IGF2BP2: variants seen among roughly 807,000 people sequenced by gnomAD.
IGF2BP2 encodes insulin-like growth factor 2 mRNA-binding protein 2.
Under a neutral mutation model 75.8 loss-of-function variants are expected in IGF2BP2, and 17 were observed. The ratio of observed to expected loss-of-function variants is 0.22; its 90% CI spans 0.15 to 0.34. The LOEUF (loss-of-function observed/expected upper bound fraction) is 0.34, where lower values mean the gene tolerates loss of function less well. Among genes scored for constraint, IGF2BP2 ranks in the 10% least tolerant of loss-of-function variants. The probability of loss-of-function intolerance (pLI) is 1.00; values close to 1 mark genes in which losing one functional copy is unlikely to be tolerated. For synonymous variants in IGF2BP2, 288 were observed against 295.6 expected (o/e 0.97, Z 0.26); for missense variants, 516 against 772.4 (o/e 0.67, Z 3.93).
Position 185,675,341 on chromosome 3 carries a change from C to G in IGF2BP2, c.1026G>C (p.Met342Ile). The G allele has an allele frequency of 1.2e-6, 2 of 1,612,182 alleles. No individual in the cohort carries two copies. The highest frequency in any genetic ancestry group is 1.7e-6 in the Non-Finnish European group (2 of 1,179,730). ...TTTCAAAGGCCTCACGCAGCTTCTTCATAATCTCTATCTCAGCACTGGCAC... is the reference window on the plus strand; with the variant it reads ...TTTCAAAGGCCTCACGCAGCTTCTTGATAATCTCTATCTCAGCACTGGCAC... ...EACASAEIEIMKKLREAFEND... is the reference protein window; with the variant it reads ...EACASAEIEIIKKLREAFEND... The change falls in exon 9 of 16, where the codon ATG becomes ATC. Residue 342 changes from methionine (M) to isoleucine (I), a missense_variant. Physicochemically the swap from Met to Ile is conservative, Grantham distance 10 (BLOSUM62 1). Coordinates refer to ENST00000382199, the MANE Select transcript of IGF2BP2 (RefSeq NM_006548.6).
chr3:185,711,252 G>A (rs112658745), intron 2 of IGF2BP2, among the ~76,000 whole-genome samples: 117 of 152,318 alleles, frequency 7.7e-4, no homozygotes, highest in Middle Eastern at 3.4e-3. Flanking sequence ...TTCCAGTGGT[G>A]CTGATAGAAA....
intron 2 of IGF2BP2, among the ~76,000 whole-genome samples, chr3:185,794,299 T>G (rs965601527): frequency 1.4e-5 from 1 of 72,024 alleles, no homozygotes; most frequent in African/African-American, 7.6e-5. Context: ...GCTGCCCTCA[T>G]ATCACAGGTG....
chr3:185,681,417 T>C (rs1296160017), intron 7 of IGF2BP2, among the ~76,000 whole-genome samples: 1 of 151,896 alleles, frequency 6.6e-6, no homozygotes, highest in Non-Finnish European at 1.5e-5. Flanking sequence ...CCACAAAAGG[T>C]TCCTGAAAGA....
chr3:185,732,184 G>A (rs1214278814), intron 2 of IGF2BP2, among the ~76,000 whole-genome samples: 3 of 152,162 alleles, frequency 2.0e-5, no homozygotes, highest in African/African-American at 7.2e-5. Flanking sequence ...TGGCTCTGAT[G>A]TTTGTTTATG....
At chr3:185,823,324 A>T (rs1741607479) in intron 1 of IGF2BP2, 111 bp from the exon 2 acceptor site, 1 of 729,808 alleles carries the variant, frequency 1.4e-6, no homozygotes, top group Non-Finnish European at 2.2e-6. Context: ...GGGCGCCCCC[A>T]AGGGGTCTCC....
Position 185,689,500 on chromosome 3 carries a change from C to A in IGF2BP2, c.532G>T (p.Glu178Ter). ...RAQRGDHSSR[E>*]QGHAPGGTSQ... is the part of the protein sequence containing the mutation. ...GTGCCCCCAGGGGCGTGGCCTTGCTCCCGGGAAGAGTGGTCCCCACGCTGG... is the reference window on the plus strand; with the variant it reads ...GTGCCCCCAGGGGCGTGGCCTTGCTACCGGGAAGAGTGGTCCCCACGCTGG... Residue 178 changes from glutamate to a stop codon, truncating the protein, a stop_gained, in exon 6 of 16, where the codon GAG becomes TAG. Coordinates refer to ENST00000382199, the MANE Select transcript of IGF2BP2 (RefSeq NM_006548.6). LOFTEE classifies it high-confidence loss of function. 6.2e-7 allele frequency: 1 copy of A among 1,614,000 alleles called. No homozygotes were observed. The highest frequency in any genetic ancestry group is 8.5e-7 in the Non-Finnish European group (1 of 1,179,938).
At chr3:185,666,670 T>G (rs1413153513) in intron 10 of IGF2BP2, among the ~76,000 whole-genome samples, 1 of 151,752 alleles carries the variant, frequency 6.6e-6, no homozygotes, top group African/African-American at 2.4e-5. Flanking sequence ...AAAAAGAAAT[T>G]GAGAGAAATA....
intron 7 of IGF2BP2, among the ~76,000 whole-genome samples, chr3:185,684,397 C>CTTT (rs1357078069): frequency 6.9e-6 from 1 of 145,628 alleles, no homozygotes; most frequent in Admixed American, 6.9e-5. Context: ...TGTAGAATTT[C>CTTT]TTTTTTTTTT....
intron 2 of IGF2BP2, among the ~76,000 whole-genome samples, chr3:185,743,608 T>G (rs924383738): frequency 6.6e-6 from 1 of 152,198 alleles, no homozygotes; most frequent in Admixed American, 6.5e-5. Context: ...ACTTTTCCTG[T>G]TTTTTGAACA....
In IGF2BP2 at chr3:185,647,375, C is replaced by T. The variant is rs2149031637; in HGVS notation, c.1594-237G>A. 6.6e-6 allele frequency among the ~76,000 whole-genome samples: 1 copy of T among 152,238 alleles called. No homozygotes were observed. The highest frequency in any genetic ancestry group is 1.9e-4 in the East Asian group (1 of 5,158). ...GGAGAGGGAGTCCAGCCACAGATTC[C>T]TGGGGCTGCTTCTGAGGCGAAGTTC... On this transcript the variant is annotated intron_variant, in intron 14 of 15. Transcript: ENST00000382199. The surrounding 1 kb of genome is among the most constrained non-coding windows in gnomAD (Gnocchi z 4.9).
At chr3:185,664,868 A>G (rs930993345) in intron 10 of IGF2BP2, among the ~76,000 whole-genome samples, 6 of 152,188 alleles carry the variant, frequency 3.9e-5, no homozygotes, top group African/African-American at 1.4e-4. Flanking sequence ...GCAACGCTAA[A>G]ATTAATTATG....
intron 2 of IGF2BP2, among the ~76,000 whole-genome samples, chr3:185,820,224 A>G (rs564061507): frequency 0.054 from 6,300 of 117,314 alleles, 388 homozygotes; most frequent in African/African-American, 0.2. Flanking sequence ...GTGTATGTGT[A>G]TATATACACA....
Position 185,684,159 on chromosome 3 carries a change from T to C in IGF2BP2, c.812+2898A>G, listed in dbSNP as rs550188896. ...TGTTCACTGCTGAGTTCCTGGCACA[T>C]AGAATAGTGTCTGGCACATAGTGAC... On this transcript the variant is annotated intron_variant, in intron 7 of 15. Transcript: ENST00000382199. Among the ~76,000 whole-genome samples, 103 of 152,298 alleles carry C rather than the reference T, an allele frequency of 6.8e-4. 1 individual carries two copies. Among genetic ancestry groups the C allele is most frequent in the Middle Eastern group, 3.4e-3 (1 of 294 alleles).
chr3:185,676,287 C>T (rs1483466617), intron 7 of IGF2BP2, among the ~76,000 whole-genome samples: 1 of 152,184 alleles, frequency 6.6e-6, no homozygotes, highest in African/African-American at 2.4e-5. Context: ...TTCCCCCTCA[C>T]ACACACCTCA....
chr3:185,664,247 C>G (rs1239778883), intron 10 of IGF2BP2, among the ~76,000 whole-genome samples: 1 of 152,188 alleles, frequency 6.6e-6, no homozygotes, highest in Non-Finnish European at 1.5e-5. Flanking sequence ...ATCTCTGTGT[C>G]TGCCTCTGCA....
At chr3:185,790,626 T>G (rs1736521448) in intron 2 of IGF2BP2, among the ~76,000 whole-genome samples, 1 of 152,204 alleles carries the variant, frequency 6.6e-6, no homozygotes, top group Non-Finnish European at 1.5e-5. Context: ...GTTTTTTCCG[T>G]GTGAAACTAG....
chr3:185,804,432 CAAACAAAAAAA>C (rs1157385737), intron 2 of IGF2BP2, among the ~76,000 whole-genome samples: 6 of 115,750 alleles, frequency 5.2e-5, no homozygotes, highest in Middle Eastern at 3.9e-3. Context: ...GACTTTGTCT[CAAACAAAAAAA>C]AAACAAAAAA....
chr3:185,756,772 A>C (rs992054150), intron 2 of IGF2BP2, among the ~76,000 whole-genome samples: 1 of 152,178 alleles, frequency 6.6e-6, no homozygotes, highest in Non-Finnish European at 1.5e-5. Flanking sequence ...CAGGAGTTTG[A>C]GACCAGTTTG....
intron 2 of IGF2BP2, among the ~76,000 whole-genome samples, chr3:185,788,789 G>T (rs939525121): frequency 7.1e-6 from 1 of 141,150 alleles, no homozygotes; most frequent in South Asian, 2.2e-4. Flanking sequence ...ATCTCAGCTC[G>T]CTGCAGCCTC....
Sources: allele counts gnomAD v4.1 joint callset (sites outside exome capture counted in the v4.1 genomes callset), GRCh38; gene constraint gnomAD v4.1.1; non-coding constraint Gnocchi (gnomAD v3.1); transcripts MANE v1.5; gene names NCBI Gene and HGNC (gene_info 2026-07-23, HGNC 2026-07-21).